Variants in PLCH1 observed in about 807,000 individuals in gnomAD.
PLCH1 encodes 1-phosphatidylinositol 4,5-bisphosphate phosphodiesterase eta-1.
In PLCH1, 60 loss-of-function variants were observed where a neutral mutation model predicts 126.7. The ratio of observed to expected loss-of-function variants is 0.47; its 90% confidence interval spans 0.38 to 0.59. The LOEUF (loss-of-function observed/expected upper bound fraction) is 0.59, where lower values mean the gene tolerates loss of function less well. Among genes scored for constraint, PLCH1 ranks in the 20% least tolerant of loss-of-function variants. The pLI, the probability that PLCH1 is intolerant of heterozygous loss-of-function variation, is 0.00. For missense variants in PLCH1, 1,723 were observed against 2,040.0 expected, an observed-to-expected ratio of 0.84 and a Z score of 2.99; for synonymous variants, 719 against 734.9, an observed-to-expected ratio of 0.98 and a Z score of 0.35.
chr3:155,527,937 G>T (rs1327866418), intron 10 of PLCH1, among the ~76,000 whole-genome samples: 6 of 139,652 alleles, frequency 4.3e-5, no homozygotes, highest in Admixed American at 4.3e-4. Context: ...AAAAAAAAAT[G>T]TTGGGGCCAG....
chr3:155,592,313 C>A (rs1732294853), intron 4 of PLCH1, among the ~76,000 whole-genome samples: 1 of 136,228 alleles, frequency 7.3e-6, no homozygotes. Flanking sequence ...TGAAATGCTG[C>A]TCTACTAAAA....
intron 6 of PLCH1, among the ~76,000 whole-genome samples, chr3:155,575,473 T>C (rs1221375109): frequency 3.3e-5 from 5 of 152,156 alleles, no homozygotes; most frequent in African/African-American, 1.2e-4. Context: ...ACACGGGTAA[T>C]GTATAGATCT....
chr3:155,662,676 GT>G (rs534638463), intron 2 of PLCH1, among the ~76,000 whole-genome samples: 2 of 151,638 alleles, frequency 1.3e-5, no homozygotes, highest in African/African-American at 4.8e-5. Context: ...TTTTTGTTTT[GT>G]TTTTTTAGAT....
chr3:155,706,992 A>C (rs1362734131), intron 1 of PLCH1, among the ~76,000 whole-genome samples: 2 of 152,132 alleles, frequency 1.3e-5, no homozygotes, highest in African/African-American at 4.8e-5. Flanking sequence ...CCAATGTGAT[A>C]GTATTAGGAG....
chr3:155,471,357 A>C (rs1713219215), intron 21 of PLCH1, among the ~76,000 whole-genome samples: 1 of 152,156 alleles, frequency 6.6e-6, no homozygotes, highest in Admixed American at 6.5e-5. Context: ...TAAAGGGATC[A>C]ATTCAACAAG....
chr3:155,617,378 A>G (rs1243204715), intron 2 of PLCH1, among the ~76,000 whole-genome samples: 2 of 152,202 alleles, frequency 1.3e-5, no homozygotes, highest in African/African-American at 4.8e-5. Flanking sequence ...AATATCAAGC[A>G]GAAAAGGAGT....
chr3:155,582,625 G>A (rs889302423), intron 6 of PLCH1, among the ~76,000 whole-genome samples: 2 of 152,138 alleles, frequency 1.3e-5, no homozygotes, highest in South Asian at 2.1e-4. Flanking sequence ...GCTAAATGCC[G>A]CTGACTTAAA....
intron 3 of PLCH1, 125 bp from the exon 4 acceptor site, chr3:155,594,309 G>A (rs758740981): frequency 6.8e-5 from 60 of 884,794 alleles, no homozygotes; most frequent in Non-Finnish European, 8.5e-5. Flanking sequence ...GGGTGCTCAC[G>A]CTTGTAATCC....
chr3:155,701,022 G>A (rs1308600912), intron 2 of PLCH1, among the ~76,000 whole-genome samples: 1 of 152,140 alleles, frequency 6.6e-6, no homozygotes, highest in Non-Finnish European at 1.5e-5. Context: ...ACAGACAAGA[G>A]GGAAATACAA....
Position 155,482,446 on chromosome 3 carries a change from G to A in PLCH1, c.3580C>T (p.Gln1194Ter). ...GCCTGATTGTTGGTCTCATCAAACT[G>A]GCCAATCAGGGCTGAGATGGAACTG... ...PGSSISALIG[Q>*]FDETNNQALT... The change falls in exon 23 of 23, where the codon CAG becomes TAG. Residue 1194 changes from glutamine to a stop codon, truncating the protein, a stop_gained. Transcript: ENST00000460012. LOFTEE classifies it low-confidence loss of function (END_TRUNC). The A allele has an allele frequency of 6.2e-7, 1 of 1,614,100 alleles. No homozygotes were observed. The highest frequency in any genetic ancestry group is 8.5e-7 in the Non-Finnish European group (1 of 1,180,012).
intron 2 of PLCH1, among the ~76,000 whole-genome samples, chr3:155,654,335 T>C (rs114849669): frequency 8.8e-4 from 134 of 152,140 alleles, no homozygotes; most frequent in African/African-American, 3.2e-3. Context: ...TTAGTGATCC[T>C]AGCAAGTACC....
At chr3:155,514,639 G>A in intron 12 of PLCH1, 84 bp downstream of exon 12, 1 of 855,048 alleles carries the variant, frequency 1.2e-6, no homozygotes, top group Non-Finnish European at 1.7e-6. Flanking sequence ...GAAGTTGGAG[G>A]AGCATTTCAC....
rs768732240 is a variant in PLCH1, at chr3:155,485,470, G to A, written c.2860C>T (p.Arg954Cys). 3.7e-6 allele frequency: 6 copies of A among 1,614,046 alleles called. No individual in the cohort carries two copies. The highest frequency in any genetic ancestry group is 4.2e-6 in the Non-Finnish European group (5 of 1,179,912). ...DQDGVLRRTT[R>C]SLQARPVSMP... ...GAGACAGGGCGTGCTTGCAAACTGC[G>A]TGTGGTCCTCCTCAGCACGCCATCT... The change falls in exon 22 of 23, where the codon CGC becomes TGC. Residue 954 changes from arginine (R) to cysteine (C), a missense_variant. Transcript: ENST00000460012.
intron 2 of PLCH1, among the ~76,000 whole-genome samples, chr3:155,680,684 C>T (rs770753837): frequency 8.5e-5 from 13 of 152,106 alleles, no homozygotes; most frequent in Non-Finnish European, 1.5e-4. Flanking sequence ...AATGGTTATG[C>T]TTATTTTAGT....
chr3:155,743,464 G>A, intron 1 of PLCH1: 1 of 417,170 alleles, frequency 2.4e-6, no homozygotes, highest in Non-Finnish European at 4.7e-6. Context: ...CCCAGGAGGC[G>A]GAGGTTGCAG....
At chr3:155,525,872 G>C (rs1019459880) in intron 10 of PLCH1, among the ~76,000 whole-genome samples, 2 of 151,974 alleles carry the variant, frequency 1.3e-5, no homozygotes, top group African/African-American at 4.8e-5. Flanking sequence ...AATTGTTAAG[G>C]GTAATTATCT....
intron 1 of PLCH1, among the ~76,000 whole-genome samples, chr3:155,734,410 T>C (rs543456397): frequency 1.3e-5 from 2 of 152,126 alleles, no homozygotes; most frequent in African/African-American, 4.8e-5. Flanking sequence ...CAGTGAGCCA[T>C]GATCGCACCA....
At chr3:155,522,366 A>C (rs1382019380) in intron 11 of PLCH1, among the ~76,000 whole-genome samples, 2 of 152,250 alleles carry the variant, frequency 1.3e-5, no homozygotes, top group African/African-American at 2.4e-5. Flanking sequence ...AACTCTATTT[A>C]GATTTTCTGT....
At chr3:155,542,561 C>G in intron 10 of PLCH1, among the ~76,000 whole-genome samples, 1 of 152,080 alleles carries the variant, frequency 6.6e-6, no homozygotes, top group Non-Finnish European at 1.5e-5. Flanking sequence ...AGCTGGAGAT[C>G]TGAGAACAGG....
Sources: gnomAD v4.1 joint callset for allele counts (sites outside exome capture counted in the v4.1 genomes callset) on GRCh38, gnomAD v4.1.1 for gene constraint, MANE v1.5 for transcripts, NCBI Gene and HGNC (gene_info 2026-07-23, HGNC 2026-07-21) for gene names.